VPS36: variants seen among roughly 807,000 people sequenced by gnomAD.
VPS36 encodes vacuolar protein sorting 36 homolog, also known as vacuolar protein-sorting-associated protein 36.
In VPS36, 31 loss-of-function variants were observed where a neutral mutation model predicts 63.5. That is an observed-to-expected ratio of 0.49 (90% CI 0.37 to 0.66). The LOEUF is 0.66. Ranked by LOEUF, VPS36 falls within the 30% of genes least tolerant of loss-of-function variation. The pLI is 0.00. For missense variants in VPS36, 338 were observed against 463.7 expected, an observed-to-expected ratio of 0.73 and a Z score of 2.49; for synonymous variants, 138 against 157.2, an observed-to-expected ratio of 0.88 and a Z score of 0.91.
chr13:52,425,079 T>C (rs901034048), intron 9 of VPS36, among the ~76,000 whole-genome samples: 2 of 151,444 alleles, frequency 1.3e-5, no homozygotes, highest in African/African-American at 4.9e-5. Context: ...AAACCCCATC[T>C]CTACTAAAAA....
At chr13:52,443,548 C>T (rs1236126431) in intron 1 of VPS36, among the ~76,000 whole-genome samples, 1 of 152,128 alleles carries the variant, frequency 6.6e-6, no homozygotes, top group Non-Finnish European at 1.5e-5. Flanking sequence ...TTACCAAGAA[C>T]CAAATCTGCC....
intron 8 of VPS36, among the ~76,000 whole-genome samples, 183 bp downstream of exon 8, chr13:52,426,806 G>A (rs1233772426): frequency 1.3e-5 from 2 of 152,186 alleles, no homozygotes; most frequent in East Asian, 1.9e-4. Flanking sequence ...AGTGAGCCGA[G>A]ATCGTGCCAC....
intron 2 of VPS36, among the ~76,000 whole-genome samples, chr13:52,440,486 T>C (rs1227182240): frequency 6.6e-6 from 1 of 151,672 alleles, no homozygotes; most frequent in Non-Finnish European, 1.5e-5. Context: ...AGAGACAGGG[T>C]TTCTCCACGT....
chr13:52,416,827 T>C (rs780218853), intron 12 of VPS36, among the ~76,000 whole-genome samples: 8 of 152,260 alleles, frequency 5.3e-5, no homozygotes, highest in Non-Finnish European at 7.3e-5. Context: ...CTAATTCTAA[T>C]TCTCCTTACA....
At chr13:52,446,233 T>G (rs543814134) in intron 1 of VPS36, among the ~76,000 whole-genome samples, 1 of 146,940 alleles carries the variant, frequency 6.8e-6, no homozygotes, top group South Asian at 2.1e-4. Context: ...ACCACCGCAC[T>G]CCAGACTGAG....
chr13:52,417,190 C>A, intron 11 of VPS36, 49 bp from the exon 12 acceptor site: 1 of 1,532,250 alleles, frequency 6.5e-7, no homozygotes, highest in South Asian at 1.1e-5. Flanking sequence ...CTAGGATATT[C>A]AACTGCTGAA....
chr13:52,442,863 C>T (rs1256313718), intron 1 of VPS36, among the ~76,000 whole-genome samples: 2 of 152,054 alleles, frequency 1.3e-5, no homozygotes, highest in African/African-American at 2.4e-5. Flanking sequence ...AAAAGGAACA[C>T]AATTATCTGT....
At chr13:52,429,430 G>T in intron 6 of VPS36, 1 of 308,502 alleles carries the variant, frequency 3.2e-6, no homozygotes, top group Non-Finnish European at 4.7e-6. Flanking sequence ...AGCCCTCCGT[G>T]ACCTCAACAG....
At chr13:52,430,605 G>A (rs751853660) in intron 6 of VPS36, among the ~76,000 whole-genome samples, 14 of 151,024 alleles carry the variant, frequency 9.3e-5, no homozygotes, top group South Asian at 4.2e-4. Context: ...GCACTCCAGC[G>A]TGGGCAACAG....
intron 2 of VPS36, among the ~76,000 whole-genome samples, chr13:52,440,058 G>A (rs1423631267): frequency 1.1e-4 from 16 of 150,824 alleles, no homozygotes; most frequent in Admixed American, 4.0e-4. Context: ...GGCTCACTGC[G>A]ACCTCCACCT....
At position 52,428,642 on chromosome 13, in the gene VPS36, A is replaced by T. The variant is rs1197063590; in HGVS notation, c.529-1423T>A. 3.3e-5 allele frequency among the ~76,000 whole-genome samples: 5 copies of T among 152,354 alleles called. No homozygotes were observed. The South Asian group carries it at 1.0e-3, about 32-fold the overall frequency. Reference sequence around the variant, plus strand: ...GAAACTAAGTCAATTCTAACATTTAAATAGAGGGCAAATCACACACCAACC... The same window carrying T: ...GAAACTAAGTCAATTCTAACATTTATATAGAGGGCAAATCACACACCAACC... On this transcript the variant is annotated intron_variant, in intron 6 of 13. Coordinates refer to ENST00000378060, the MANE Select transcript of VPS36 (RefSeq NM_016075.4).
rs752432200 is a variant in VPS36, at chr13:52,450,505, C to G, written c.90G>C (p.Glu30Asp). 1.3e-6 allele frequency: 2 copies of G among 1,592,506 alleles called. No homozygotes were observed. Among genetic ancestry groups the G allele is most frequent in the East Asian group, 4.7e-5 (2 of 42,604 alleles). ...QQRGVRIYDG[E>D]EKIKFDAGTL... Reference sequence around the variant, plus strand: ...AGGTTGGCAGACGCCCTACCTTCTCCTCGCCATCGTAGATTCGCACCCCGC... The same window carrying G: ...AGGTTGGCAGACGCCCTACCTTCTCGTCGCCATCGTAGATTCGCACCCCGC... The change falls in exon 1 of 14, where the codon GAG becomes GAC. Residue 30 changes from glutamate to aspartate, a missense_variant. By Grantham distance (45) the Glu-to-Asp change is conservative (BLOSUM62 2). Coordinates refer to ENST00000378060, the MANE Select transcript of VPS36 (RefSeq NM_016075.4).
chr13:52,430,280 A>G (rs1184696283), intron 6 of VPS36, among the ~76,000 whole-genome samples: 1 of 152,248 alleles, frequency 6.6e-6, no homozygotes, highest in Non-Finnish European at 1.5e-5. Context: ...GAAGAAAGGC[A>G]GTGAAACTGC....
Position 52,413,119 on chromosome 13 carries a change from C to T in VPS36, c.*2711G>A, listed in dbSNP as rs1957962840. The T allele has an allele frequency of 6.6e-6, 1 of 152,618 alleles. No homozygotes were observed. Among genetic ancestry groups the T allele is most frequent in the African/African-American group, 2.4e-5 (1 of 41,452 alleles). 9.5% of individuals were successfully genotyped at this position (152,618 alleles called of 1,614,324 possible). On this transcript the variant is annotated 3_prime_UTR_variant, in exon 14 of 14. Transcript: ENST00000378060. ...AACCTAACCACCTTACAAGTTGTGA[C>T]TCCACTGTACCAAAATGAAGACTCT...
chr13:52,425,097 A>C, intron 9 of VPS36, among the ~76,000 whole-genome samples: 1 of 151,410 alleles, frequency 6.6e-6, no homozygotes, highest in Non-Finnish European at 1.5e-5. Flanking sequence ...AAATACAAAA[A>C]ATTAGCCGGG....
At chr13:52,433,578 A>T in intron 6 of VPS36, 84 bp downstream of exon 6, 1 of 1,077,692 alleles carries the variant, frequency 9.3e-7, no homozygotes, top group Non-Finnish European at 1.4e-6. Context: ...ATTCTAAATT[A>T]CAGAAGGGAA....
chr13:52,440,927 C>CT (rs1958269702), intron 2 of VPS36, among the ~76,000 whole-genome samples: 1 of 152,072 alleles, frequency 6.6e-6, no homozygotes, highest in Non-Finnish European at 1.5e-5. Context: ...CACTTCAGAC[C>CT]ATCAGGCATT....
intron 10 of VPS36, among the ~76,000 whole-genome samples, chr13:52,422,202 A>G (rs1187242059): frequency 6.6e-6 from 1 of 152,150 alleles, no homozygotes; most frequent in African/African-American, 2.4e-5. Flanking sequence ...CACATGAGTG[A>G]GAACATGCAA....
intron 2 of VPS36, among the ~76,000 whole-genome samples, chr13:52,441,129 GT>G (rs2137804917): frequency 6.6e-6 from 1 of 152,260 alleles, no homozygotes; most frequent in Non-Finnish European, 1.5e-5. Context: ...AGTACTGGGG[GT>G]TGGGGGGTTG....
Sources: allele counts gnomAD v4.1 joint callset (sites outside exome capture counted in the v4.1 genomes callset), GRCh38; gene constraint gnomAD v4.1.1; transcripts MANE v1.5; gene names NCBI Gene and HGNC (gene_info 2026-07-23, HGNC 2026-07-21).